Variants in ARLN observed in about 807,000 individuals in gnomAD.
ARLN encodes sarcoplasmic/endoplasmic reticulum calcium ATPase regulator ARLN.
At chr4:119,300,916 T>C in the ARLN span, 1 of 994,094 alleles carries the variant, frequency 1.0e-6, no homozygotes, top group Non-Finnish European at 1.4e-6. Flanking sequence ...CGAGGTCACC[T>C]CTCCTATCCC....
At chr4:119,304,325 G>T in the ARLN span, 3 of 1,536,980 alleles carry the variant, frequency 2.0e-6, no homozygotes, top group African/African-American at 1.4e-5. Context: ...ATTTTCTCAA[G>T]ATCAAGGCAG....
the ARLN span, chr4:119,300,756 C>A: frequency 2.4e-5 from 36 of 1,493,342 alleles, no homozygotes; most frequent in Non-Finnish European, 3.0e-5. Flanking sequence ...GCGGCCTCCG[C>A]CTTGACACTA....
chr4:119,300,825 A>AG, the ARLN span: 1 of 1,436,408 alleles, frequency 7.0e-7, no homozygotes, highest in East Asian at 2.5e-5. Context: ...CTGGTTATTC[A>AG]GGTTTCGTTG....
chr4:119,300,546 C>A, the ARLN span: 1 of 1,614,176 alleles, frequency 6.2e-7, no homozygotes, highest in East Asian at 2.2e-5. Context: ...CTCGCTCCTG[C>A]AGCTTCGTAA....
the ARLN span, among the ~76,000 whole-genome samples, chr4:119,302,336 A>AGGG: frequency 6.6e-6 from 1 of 152,180 alleles, no homozygotes; most frequent in Non-Finnish European, 1.5e-5. Flanking sequence ...GCAAATAAGG[A>AGGG]GGGGTTATTT....
the ARLN span, among the ~76,000 whole-genome samples, chr4:119,302,800 AC>A: frequency 8.6e-3 from 1,304 of 152,320 alleles, 17 homozygotes; most frequent in African/African-American, 0.03. Context: ...AAATGCTATA[AC>A]CATCAGGCCA....
At chr4:119,300,557 C>CA in the ARLN span, 17 of 1,614,042 alleles carry the variant, frequency 1.1e-5, no homozygotes, top group African/African-American at 1.7e-4. Flanking sequence ...AGCTTCGTAA[C>CA]AACCCTAGAA....
chr4:119,300,400 A>T, the ARLN span: 1 of 1,613,754 alleles, frequency 6.2e-7, no homozygotes, highest in South Asian at 1.1e-5. Flanking sequence ...CAGAGGTCCA[A>T]CCAGTAGGAG....
chr4:119,297,438 TA>T, the ARLN span: 1 of 152,206 alleles, frequency 6.6e-6, no homozygotes, highest in Non-Finnish European at 1.5e-5. Context: ...GTAAAGCCTT[TA>T]GGGCTAACAG....
the ARLN span, chr4:119,298,330 CCTCT>C: frequency 2.0e-5 from 3 of 152,660 alleles, no homozygotes; most frequent in African/African-American, 7.2e-5. Context: ...TACTTTGTTC[CCTCT>C]CTCAAAATCT....
At chr4:119,301,750 C>T in the ARLN span, among the ~76,000 whole-genome samples, 5 of 152,034 alleles carry the variant, frequency 3.3e-5, no homozygotes, top group Admixed American at 6.6e-5. Context: ...GGAAATGAGA[C>T]ACAAAAGGAG....
chr4:119,300,171 T>C, the ARLN span, among the ~76,000 whole-genome samples: 1 of 151,722 alleles, frequency 6.6e-6, no homozygotes, highest in African/African-American at 2.4e-5. Flanking sequence ...AAGAAGGACA[T>C]TTTACTCCTA....
chr4:119,297,340 C>CGG, the ARLN span: 1 of 152,234 alleles, frequency 6.6e-6, no homozygotes. Context: ...GTTTAAAAGG[C>CGG]GGGGGAGTAT....
At chr4:119,299,158 C>T in the ARLN span, among the ~76,000 whole-genome samples, 1 of 152,144 alleles carries the variant, frequency 6.6e-6, no homozygotes, top group Non-Finnish European at 1.5e-5. Flanking sequence ...ACGTTCACAG[C>T]TCACTGAAGC....
At chr4:119,299,390 G>T in the ARLN span, among the ~76,000 whole-genome samples, 90 of 152,318 alleles carry the variant, frequency 5.9e-4, no homozygotes, top group African/African-American at 2.1e-3. Context: ...GAGAATTTCA[G>T]AAGTAACTCA....
At chr4:119,298,461 T>A in the ARLN span, 1 of 239,724 alleles carries the variant, frequency 4.2e-6, no homozygotes, top group Non-Finnish European at 8.0e-6. Flanking sequence ...AAGACATTAC[T>A]ATATTTCTTA....
the ARLN span, chr4:119,297,427 T>C: frequency 6.6e-6 from 1 of 152,224 alleles, no homozygotes; most frequent in African/African-American, 2.4e-5. Flanking sequence ...CCATTCCTCA[T>C]GTAAAGCCTT....
chr4:119,302,465 T>G, the ARLN span, among the ~76,000 whole-genome samples: 1 of 152,250 alleles, frequency 6.6e-6, no homozygotes, highest in Admixed American at 6.5e-5. Flanking sequence ...GATTTTGAAC[T>G]ACTGGCCTCA....
At chr4:119,300,672 T>G in the ARLN span, 5 of 1,546,550 alleles carry the variant, frequency 3.2e-6, no homozygotes, top group Non-Finnish European at 4.3e-6. Flanking sequence ...CGGAATGCAC[T>G]CTGAACCTAC....
Sources: gnomAD v4.1 joint callset for allele counts (sites outside exome capture counted in the v4.1 genomes callset) on GRCh38, gnomAD v4.1.1 for gene constraint, MANE v1.5 for transcripts, NCBI Gene and HGNC (gene_info 2026-07-23, HGNC 2026-07-21) for gene names.